ZSWIM3: variants seen among roughly 807,000 people sequenced by gnomAD.
The protein encoded by ZSWIM3 is zinc finger SWIM domain-containing protein 3.
Under a neutral mutation model 47.5 loss-of-function variants are expected in ZSWIM3, and 27 were observed. That is an observed-to-expected ratio of 0.57 (90% CI 0.42 to 0.78). The LOEUF (loss-of-function observed/expected upper bound fraction) is 0.78. Ranked by LOEUF, ZSWIM3 falls within the 30% of genes least tolerant of loss-of-function variation. The pLI is 0.00. For missense variants in ZSWIM3, 689 were observed against 861.3 expected, an observed-to-expected ratio of 0.80 and a Z score of 2.50; for synonymous variants, 333 against 333.9, an observed-to-expected ratio of 1.00 and a Z score of 0.03.
chr20:45,862,225 G>T (rs754482743), intron 1 of ZSWIM3, among the ~76,000 whole-genome samples: 1 of 148,206 alleles, frequency 6.7e-6, no homozygotes, highest in Non-Finnish European at 1.5e-5. Flanking sequence ...TTGGCTCCCC[G>T]CAACCTTTGA....
chr20:45,877,342 G>A lies in ZSWIM3; in HGVS notation c.784G>A (p.Val262Met). 6.2e-7 allele frequency: 1 copy of A among 1,614,184 alleles called. No homozygotes were observed. Among genetic ancestry groups the A allele is most frequent in the Non-Finnish European group, 8.5e-7 (1 of 1,180,028 alleles). ...AVLKAETVTS[V>M]AKMLSIFTEF... ...GCTCAAGGCGGAGACAGTCACCTCT[G>A]TGGCCAAGATGCTGAGCATCTTCAC... The change falls in exon 2 of 2, where the codon GTG (valine) becomes ATG (methionine). Residue 262 changes from valine to methionine, a missense_variant. By Grantham distance (21) the Val-to-Met change is conservative. Transcript: ENST00000255152.
At chr20:45,865,833 T>TA (rs1985825358) in intron 1 of ZSWIM3, among the ~76,000 whole-genome samples, 1 of 149,806 alleles carries the variant, frequency 6.7e-6, no homozygotes, top group African/African-American at 2.5e-5. Flanking sequence ...CCATCTCTAC[T>TA]AAAAATACAA....
At chr20:45,876,469 G>T (rs566990096) in intron 1 of ZSWIM3, among the ~76,000 whole-genome samples, 1 of 152,170 alleles carries the variant, frequency 6.6e-6, no homozygotes, top group South Asian at 2.1e-4. Flanking sequence ...CTCCTGAATA[G>T]CTGGGACCAC....
Position 45,878,685 on chromosome 20 carries a change from C to A in ZSWIM3, c.*36C>A. On this transcript the variant is annotated 3_prime_UTR_variant, in exon 2 of 2. Transcript: ENST00000255152. ...CTGAAGCATTGGACCACAAACACTTCTCCTTGGAAGTGTGAGAGTTTAAAG... is the reference window on the plus strand; with the variant it reads ...CTGAAGCATTGGACCACAAACACTTATCCTTGGAAGTGTGAGAGTTTAAAG... The A allele has an allele frequency of 6.4e-7, 1 of 1,570,832 alleles. No individual in the cohort carries two copies. The highest frequency in any genetic ancestry group is 8.7e-7 in the Non-Finnish European group (1 of 1,155,778).
rs1276930166 is a variant in ZSWIM3, at chr20:45,876,698, C to T, written c.156-16C>T. The T allele has an allele frequency of 6.2e-7, 1 of 1,600,470 alleles. No individual in the cohort carries two copies. Among genetic ancestry groups the T allele is most frequent in the Non-Finnish European group, 8.5e-7 (1 of 1,173,100 alleles). On this transcript the variant is annotated splice_polypyrimidine_tract_variant and intron_variant, in intron 1 of 1. Coordinates refer to ENST00000255152, the MANE Select transcript of ZSWIM3 (RefSeq NM_080752.4). ...GTGGTCAGCACCTTTCTCATTGTTACCTCTACCTTCCCTAGGTATGTGCAG... is the reference window on the plus strand; with the variant it reads ...GTGGTCAGCACCTTTCTCATTGTTATCTCTACCTTCCCTAGGTATGTGCAG...
intron 1 of ZSWIM3, among the ~76,000 whole-genome samples, chr20:45,867,794 TG>T (rs1985882328): frequency 6.6e-6 from 1 of 152,214 alleles, no homozygotes; most frequent in Non-Finnish European, 1.5e-5. Flanking sequence ...ATGAAGTACT[TG>T]GCTGTCTCTC....
chr20:45,859,644 G>A (rs987224424), intron 1 of ZSWIM3, among the ~76,000 whole-genome samples: 3 of 152,078 alleles, frequency 2.0e-5, no homozygotes, highest in Non-Finnish European at 4.4e-5. Context: ...ATACATGAAA[G>A]AAGGTTGGCA....
chr20:45,860,095 T>G (rs1985669111), intron 1 of ZSWIM3, among the ~76,000 whole-genome samples: 1 of 152,136 alleles, frequency 6.6e-6, no homozygotes, highest in African/African-American at 2.4e-5. Flanking sequence ...TACCACAAGT[T>G]TAATGGTGCA....
chr20:45,862,328 A>T (rs1038667467), intron 1 of ZSWIM3, among the ~76,000 whole-genome samples: 1 of 151,010 alleles, frequency 6.6e-6, no homozygotes, highest in East Asian at 2.0e-4. Context: ...TTGTATTTTT[A>T]GTAGAGACAG....
chr20:45,870,974 T>A (rs182520932), intron 1 of ZSWIM3, among the ~76,000 whole-genome samples: 6 of 152,266 alleles, frequency 3.9e-5, no homozygotes, highest in Admixed American at 3.9e-4. Flanking sequence ...GGATTACAGG[T>A]GTGAGCCACG....
chr20:45,859,550 A>C (rs1985650621), intron 1 of ZSWIM3, among the ~76,000 whole-genome samples: 1 of 152,156 alleles, frequency 6.6e-6, no homozygotes, highest in African/African-American at 2.4e-5. Context: ...GTGCTAGAGT[A>C]GATCTGTGGT....
intron 1 of ZSWIM3, among the ~76,000 whole-genome samples, chr20:45,858,211 A>AT (rs908978003): frequency 6.6e-6 from 1 of 152,214 alleles, no homozygotes; most frequent in African/African-American, 2.4e-5. Context: ...CTTTTCTGGA[A>AT]TTTATAACTG....
chr20:45,867,730 G>A (rs1001569878), intron 1 of ZSWIM3, among the ~76,000 whole-genome samples: 2 of 152,124 alleles, frequency 1.3e-5, no homozygotes, highest in African/African-American at 4.8e-5. Flanking sequence ...AGATTTTTAT[G>A]ACGGTTGTTT....
At chr20:45,858,099 A>G (rs1225611697) in intron 1 of ZSWIM3, 119 bp downstream of exon 1, 4 of 1,114,738 alleles carry the variant, frequency 3.6e-6, no homozygotes, top group Non-Finnish European at 5.1e-6. Flanking sequence ...CATTCATTCA[A>G]CAGGCACTCA....
intron 1 of ZSWIM3, among the ~76,000 whole-genome samples, chr20:45,859,125 C>T (rs722669): frequency 2.0e-5 from 3 of 151,756 alleles, no homozygotes; most frequent in Non-Finnish European, 2.9e-5. Context: ...TGTCAGAAAT[C>T]CACACTTTAT....
At chr20:45,859,392 G>C (rs1264030414) in intron 1 of ZSWIM3, among the ~76,000 whole-genome samples, 2 of 149,642 alleles carry the variant, frequency 1.3e-5, no homozygotes, top group Non-Finnish European at 3.0e-5. Flanking sequence ...CAAGCAAACT[G>C]GTGTGTGATA....
At chr20:45,864,519 G>A (rs185775815) in intron 1 of ZSWIM3, among the ~76,000 whole-genome samples, 1 of 152,334 alleles carries the variant, frequency 6.6e-6, no homozygotes, top group Admixed American at 6.5e-5. Context: ...ATGTGAAAAT[G>A]TAGACATAAA....
intron 1 of ZSWIM3, among the ~76,000 whole-genome samples, chr20:45,865,992 CAAA>C (rs377544841): frequency 6.1e-5 from 6 of 98,804 alleles, no homozygotes; most frequent in Admixed American, 1.1e-4. Context: ...GACTCTGTCT[CAAA>C]AAAAAAAAAA....
chr20:45,866,584 T>C (rs1212712797), intron 1 of ZSWIM3, among the ~76,000 whole-genome samples: 3 of 152,092 alleles, frequency 2.0e-5, no homozygotes, highest in African/African-American at 7.2e-5. Context: ...GGTGGGAGGA[T>C]TGCTTGAGCC....
Sources: gnomAD v4.1 joint callset for allele counts (sites outside exome capture counted in the v4.1 genomes callset) on GRCh38, gnomAD v4.1.1 for gene constraint, MANE v1.5 for transcripts, NCBI Gene and HGNC (gene_info 2026-07-23, HGNC 2026-07-21) for gene names.